The following SUDS3 variants were observed in gnomAD, a reference collection of about 807,000 sequenced individuals.
The protein encoded by SUDS3 is sin3 histone deacetylase corepressor complex component SDS3.
SUDS3 carries 23 observed loss-of-function variants against 53.5 expected under a neutral mutation model. The observed-to-expected ratio is 0.43, with a 90% CI of 0.31 to 0.61. The LOEUF is 0.61. Among genes scored for constraint, SUDS3 ranks in the 20% least tolerant of loss-of-function variants. The pLI is 0.10. For missense variants in SUDS3, 291 were observed against 405.9 expected (o/e 0.72, Z 2.43); for synonymous variants, 150 against 148.5 (o/e 1.01, Z -0.08).
chr12:118,394,777 C>G (rs1389523358), intron 6 of SUDS3, among the ~76,000 whole-genome samples: 1 of 152,158 alleles, frequency 6.6e-6, no homozygotes, highest in African/African-American at 2.4e-5. Flanking sequence ...GCTCGACTTC[C>G]CAGGCTCAGG....
chr12:118,417,511 C>T lies in SUDS3; in HGVS notation c.*3078C>T, dbSNP rs1002984516. 1.3e-5 allele frequency: 2 copies of T among 151,702 alleles called. No individual in the cohort carries two copies. The highest frequency in any genetic ancestry group is 2.4e-5 in the African/African-American group (1 of 41,290). 9.4% of individuals were successfully genotyped at this position (151,702 alleles called of 1,614,324 possible). On this transcript the variant is annotated 3_prime_UTR_variant, in exon 12 of 12. Transcript: ENST00000543473. ...TTTCTCATCTGGGAATTTGAAATCTCGGTGCTTACTGTTACACCAATTTGT... is the reference window on the plus strand; with the variant it reads ...TTTCTCATCTGGGAATTTGAAATCTTGGTGCTTACTGTTACACCAATTTGT...
chr12:118,389,142 C>T (rs1042009772), intron 4 of SUDS3, among the ~76,000 whole-genome samples: 1 of 152,024 alleles, frequency 6.6e-6, no homozygotes, highest in East Asian at 1.9e-4. Context: ...GAGCCAGACT[C>T]TGTCTCAAAA....
intron 2 of SUDS3, among the ~76,000 whole-genome samples, chr12:118,383,327 A>T (rs1488460257): frequency 1.3e-5 from 2 of 152,242 alleles, no homozygotes; most frequent in African/African-American, 4.8e-5. Flanking sequence ...TGTGATTTAT[A>T]TGTGGAACCC....
chr12:118,391,638 G>A (rs1338647383), intron 6 of SUDS3, among the ~76,000 whole-genome samples: 1 of 152,214 alleles, frequency 6.6e-6, no homozygotes, highest in East Asian at 1.9e-4. Context: ...TGGGTCTGCT[G>A]CCATTTGTAT....
At chr12:118,377,176 C>T (rs1399147675) in intron 1 of SUDS3, among the ~76,000 whole-genome samples, 2 of 151,882 alleles carry the variant, frequency 1.3e-5, no homozygotes, top group Non-Finnish European at 2.9e-5. Context: ...TGTAGTTCGC[C>T]CCTTTTTTGT....
At chr12:118,376,900 G>A in intron 1 of SUDS3, 67 bp downstream of exon 1, 1 of 969,368 alleles carries the variant, frequency 1.0e-6, no homozygotes. Flanking sequence ...GGGTGGGGCT[G>A]TTCGGGAGAG....
intron 4 of SUDS3, among the ~76,000 whole-genome samples, chr12:118,387,577 A>G (rs990332098): frequency 6.6e-6 from 1 of 151,022 alleles, no homozygotes; most frequent in African/African-American, 2.4e-5. Context: ...TTTGAGACAG[A>G]GTCTCACTCT....
chr12:118,384,430 T>C (rs1301892292), intron 3 of SUDS3, among the ~76,000 whole-genome samples: 1 of 152,246 alleles, frequency 6.6e-6, no homozygotes, highest in East Asian at 1.9e-4. Context: ...AATGACCTTG[T>C]GGATTATTCA....
chr12:118,416,149 C>A lies in SUDS3; in HGVS notation c.*1716C>A, dbSNP rs552077374. ...AGGACTTCCCTCGCTTGAACTGTTA[C>A]ACATACGATGTGTGTGTCACATCAC... On this transcript the variant is annotated 3_prime_UTR_variant, in exon 12 of 12. Transcript: ENST00000543473. 2 of 152,324 alleles carry A rather than the reference C, an allele frequency of 1.3e-5. No homozygotes were observed. The highest frequency in any genetic ancestry group is 2.9e-5 in the Non-Finnish European group (2 of 68,034). The allele number at this position is 152,324 out of a possible 1,614,324, so 9.4% of individuals were successfully genotyped here.
At chr12:118,411,030 T>C (rs1253386492) in intron 10 of SUDS3, 43 bp from the exon 11 acceptor site, 1 of 1,525,868 alleles carries the variant, frequency 6.6e-7, no homozygotes, top group South Asian at 1.2e-5. Context: ...ACTTCCTGTC[T>C]CTGTCCCTCC....
At chr12:118,381,269 A>G (rs751511178) in intron 2 of SUDS3, among the ~76,000 whole-genome samples, 5 of 151,538 alleles carry the variant, frequency 3.3e-5, no homozygotes, top group East Asian at 2.0e-4. Context: ...CAGTGGTGCA[A>G]TCTTGGCTCA....
At chr12:118,392,669 C>T (rs552578406) in intron 6 of SUDS3, among the ~76,000 whole-genome samples, 2 of 152,284 alleles carry the variant, frequency 1.3e-5, no homozygotes, top group South Asian at 4.1e-4. Flanking sequence ...GGCTTTTGGA[C>T]CTGCACACCA....
At chr12:118,386,706 T>A (rs1488415209) in intron 4 of SUDS3, among the ~76,000 whole-genome samples, 1 of 152,228 alleles carries the variant, frequency 6.6e-6, no homozygotes, top group Non-Finnish European at 1.5e-5. Context: ...ACCTGCTACA[T>A]CTAAGCACTG....
intron 10 of SUDS3, chr12:118,404,270 C>G (rs1192180858): frequency 6.6e-6 from 1 of 152,188 alleles, no homozygotes; most frequent in Non-Finnish European, 1.5e-5. Flanking sequence ...GCCACCATGC[C>G]CAGCTAGTTT....
chr12:118,410,830 C>T (rs371976281), intron 10 of SUDS3, among the ~76,000 whole-genome samples: 8 of 152,030 alleles, frequency 5.3e-5, no homozygotes, highest in African/African-American at 1.9e-4. Flanking sequence ...ATCTCCTGAC[C>T]TTGTGATCCG....
At chr12:118,377,467 A>T (rs61943389) in intron 1 of SUDS3, among the ~76,000 whole-genome samples, 17,463 of 152,078 alleles carry the variant, frequency 0.11, 1,271 homozygotes, top group Middle Eastern at 0.19. Flanking sequence ...TGACATGCGC[A>T]TAAAGTACTT....
intron 6 of SUDS3, among the ~76,000 whole-genome samples, chr12:118,395,842 C>T (rs889207620): frequency 5.3e-5 from 8 of 152,164 alleles, no homozygotes; most frequent in South Asian, 2.1e-4. Context: ...CAGGTGCGTG[C>T]CACCATGCCT....
intron 10 of SUDS3, among the ~76,000 whole-genome samples, chr12:118,410,306 T>A (rs1260943495): frequency 6.6e-6 from 1 of 152,228 alleles, no homozygotes; most frequent in African/African-American, 2.4e-5. Context: ...TAACGGTGGC[T>A]TATGCCTGTA....
intron 6 of SUDS3, among the ~76,000 whole-genome samples, chr12:118,397,581 C>T (rs549787254): frequency 1.2e-3 from 183 of 152,308 alleles, no homozygotes; most frequent in African/African-American, 4.3e-3. Context: ...GCCAGGACTG[C>T]TCCCTTCTGT....
Sources: allele counts gnomAD v4.1 joint callset (sites outside exome capture counted in the v4.1 genomes callset), GRCh38; gene constraint gnomAD v4.1.1; transcripts MANE v1.5; gene names NCBI Gene and HGNC (gene_info 2026-07-23, HGNC 2026-07-21).